LPP: variants seen among roughly 807,000 people sequenced by gnomAD.
LPP encodes the protein LIM domain containing preferred translocation partner in lipoma, also known as lipoma-preferred partner.
In LPP, 38 loss-of-function variants were observed where a neutral mutation model predicts 60.4. The observed-to-expected ratio is 0.63, with a 90% CI of 0.49 to 0.83. LPP has a LOEUF of 0.83. Among genes scored for constraint, LPP ranks in the 40% least tolerant of loss-of-function variants. The probability of loss-of-function intolerance (pLI) is 0.00; values close to 1 mark genes in which losing one functional copy is unlikely to be tolerated. For missense variants in LPP, 902 were observed against 783.6 expected (o/e 1.15, Z -1.80); for synonymous variants, 328 against 290.8 (o/e 1.13, Z -1.30).
chr3:188,363,215 T>C (rs1283065656), intron 3 of LPP, among the ~76,000 whole-genome samples: 1 of 152,178 alleles, frequency 6.6e-6, no homozygotes, highest in Non-Finnish European at 1.5e-5. Context: ...CAAGCTTTGA[T>C]TTCCACGCCC....
At chr3:188,699,330 G>A (rs987725386) in intron 7 of LPP, among the ~76,000 whole-genome samples, 1 of 152,080 alleles carries the variant, frequency 6.6e-6, no homozygotes, top group Admixed American at 6.6e-5. Context: ...AGAGACCAGG[G>A]CCCCCTGACT....
intron 9 of LPP, among the ~76,000 whole-genome samples, chr3:188,763,658 A>C (rs1199320931): frequency 2.6e-5 from 4 of 151,528 alleles, no homozygotes; most frequent in Non-Finnish European, 5.9e-5. Flanking sequence ...ATAGTTTTGC[A>C]TTGTTAGTAT....
chr3:188,822,112 G>T (rs1754137613), intron 9 of LPP, among the ~76,000 whole-genome samples: 1 of 152,088 alleles, frequency 6.6e-6, no homozygotes, highest in South Asian at 2.1e-4. Context: ...AGAAGCATGG[G>T]ACCTTGGCAC....
At chr3:188,388,743 A>G (rs1778961227) in intron 3 of LPP, among the ~76,000 whole-genome samples, 1 of 152,196 alleles carries the variant, frequency 6.6e-6, no homozygotes, top group African/African-American at 2.4e-5. Context: ...TCAGGCAAAG[A>G]AGAAATTTGT....
Position 188,425,310 on chromosome 3 carries a change from G to A in LPP, c.193+18997G>A, listed in dbSNP as rs556321702. On this transcript the variant is annotated intron_variant, in intron 4 of 11. Coordinates refer to ENST00000617246, the MANE Select transcript of LPP (RefSeq NM_001375462.1). The stretch of plus-strand genomic sequence containing the variant: ...GGGATGAAGCTGACTTTTTCATAGT[G>A]GATAAGCTTTTTGATGTGCTGCAGG... Among the ~76,000 whole-genome samples, 5 of 152,238 alleles carry A rather than the reference G, an allele frequency of 3.3e-5. No individual in the cohort carries two copies. In the East Asian group the frequency reaches 9.6e-4, roughly 29 times the overall value.
chr3:188,251,481 T>G (rs1729613433), intron 2 of LPP, among the ~76,000 whole-genome samples: 1 of 152,126 alleles, frequency 6.6e-6, no homozygotes, highest in Admixed American at 6.6e-5. Context: ...ATAGCCTCTT[T>G]CAATGACTGG....
At chr3:188,656,610 C>A (rs930252967) in intron 7 of LPP, among the ~76,000 whole-genome samples, 4 of 152,194 alleles carry the variant, frequency 2.6e-5, no homozygotes, top group African/African-American at 7.2e-5. Flanking sequence ...CCTTCTTGTA[C>A]TACTGACAGG....
intron 6 of LPP, among the ~76,000 whole-genome samples, chr3:188,550,283 A>G (rs1827749086): frequency 6.6e-6 from 1 of 152,172 alleles, no homozygotes; most frequent in South Asian, 2.1e-4. Flanking sequence ...GGCAACACTT[A>G]ATGAAAAATC....
chr3:188,569,694 G>T (rs1833069527), intron 6 of LPP, among the ~76,000 whole-genome samples: 1 of 151,936 alleles, frequency 6.6e-6, no homozygotes, highest in South Asian at 2.1e-4. Context: ...ACTCATCGAG[G>T]CACTAAGTGG....
chr3:188,724,252 G>T (rs1717539991), intron 8 of LPP, among the ~76,000 whole-genome samples: 2 of 152,226 alleles, frequency 1.3e-5, no homozygotes, highest in South Asian at 4.1e-4. Flanking sequence ...TTTGAACACA[G>T]AACCCAGCTC....
chr3:188,331,580 C>T (rs1760092543), intron 2 of LPP, among the ~76,000 whole-genome samples: 1 of 152,198 alleles, frequency 6.6e-6, no homozygotes, highest in Non-Finnish European at 1.5e-5. Flanking sequence ...CTAATTCCCC[C>T]ATCTGCCTCC....
At chr3:188,586,695 C>T (rs1296160443) in intron 6 of LPP, among the ~76,000 whole-genome samples, 1 of 151,534 alleles carries the variant, frequency 6.6e-6, no homozygotes, top group African/African-American at 2.4e-5. Context: ...TTCTCCCCTC[C>T]TCGTAGGTAT....
chr3:188,465,768 C>T (rs1560440609), intron 4 of LPP, among the ~76,000 whole-genome samples: 1 of 152,110 alleles, frequency 6.6e-6, no homozygotes. Context: ...TTGTTTTTCT[C>T]TTCTGAGTAG....
chr3:188,613,623 A>G (rs894373692), intron 7 of LPP, among the ~76,000 whole-genome samples: 3 of 152,146 alleles, frequency 2.0e-5, no homozygotes, highest in African/African-American at 7.2e-5. Flanking sequence ...ATTTTCTTGG[A>G]AAATATTTCA....
chr3:188,415,040 T>C (rs1295017741), intron 4 of LPP, among the ~76,000 whole-genome samples: 3 of 152,144 alleles, frequency 2.0e-5, no homozygotes, highest in Non-Finnish European at 4.4e-5. Context: ...AATGAGTTCC[T>C]TAATAAGGTG....
At chr3:188,820,305 G>A (rs759585118) in intron 9 of LPP, among the ~76,000 whole-genome samples, 1 of 152,076 alleles carries the variant, frequency 6.6e-6, no homozygotes, top group Non-Finnish European at 1.5e-5. Flanking sequence ...ATGTGTGTGT[G>A]TGTGTGTTCA....
At chr3:188,233,448 C>A (rs1720793839) in intron 2 of LPP, among the ~76,000 whole-genome samples, 1 of 152,144 alleles carries the variant, frequency 6.6e-6, no homozygotes, top group Admixed American at 6.5e-5. Flanking sequence ...GATGAGATCA[C>A]CTCACCGTGG....
intron 9 of LPP, among the ~76,000 whole-genome samples, chr3:188,822,749 G>T (rs1754334022): frequency 6.6e-6 from 1 of 152,146 alleles, no homozygotes; most frequent in Non-Finnish European, 1.5e-5. Context: ...TTTGTTGAAT[G>T]GAAGAAGCAG....
intron 8 of LPP, among the ~76,000 whole-genome samples, chr3:188,737,513 G>A (rs114791626): frequency 0.012 from 1,818 of 152,186 alleles, 23 homozygotes; most frequent in Non-Finnish European, 0.019. Context: ...TGTTGTTGTT[G>A]TTCTTTTACT....
Sources: gnomAD v4.1 joint callset for allele counts (sites outside exome capture counted in the v4.1 genomes callset) on GRCh38, gnomAD v4.1.1 for gene constraint, MANE v1.5 for transcripts, NCBI Gene and HGNC (gene_info 2026-07-23, HGNC 2026-07-21) for gene names.